Variants in THSD7B observed in about 807,000 individuals in gnomAD.
THSD7B encodes the protein thrombospondin type-1 domain-containing protein 7B.
In THSD7B, 138 loss-of-function variants were observed where a neutral mutation model predicts 213.6. The observed-to-expected ratio is 0.65, with a 90% CI of 0.56 to 0.74. The LOEUF is 0.74. Among genes scored for constraint, THSD7B ranks in the 30% least tolerant of loss-of-function variants. The probability of loss-of-function intolerance (pLI) is 0.00; values close to 1 mark genes in which losing one functional copy is unlikely to be tolerated. For missense variants in THSD7B, 1,931 were observed against 1,991.5 expected (o/e 0.97, Z 0.58); for synonymous variants, 742 against 687.0 (o/e 1.08, Z -1.25).
chr2:137,621,976 A>G (rs1405903062), intron 20 of THSD7B, among the ~76,000 whole-genome samples: 1 of 152,132 alleles, frequency 6.6e-6, no homozygotes, highest in East Asian at 1.9e-4. Flanking sequence ...CTGAGGAAGC[A>G]AGAGAGAAAT....
intron 15 of THSD7B, among the ~76,000 whole-genome samples, chr2:137,558,867 C>G (rs1037311519): frequency 6.6e-6 from 1 of 152,194 alleles, no homozygotes; most frequent in Non-Finnish European, 1.5e-5. Context: ...CCAGCAAAGT[C>G]TCAGGATACA....
chr2:137,520,233 T>C (rs1409528262), intron 15 of THSD7B, among the ~76,000 whole-genome samples: 2 of 152,230 alleles, frequency 1.3e-5, no homozygotes, highest in Non-Finnish European at 2.9e-5. Flanking sequence ...AAAAAAGCTC[T>C]TGGATTCATT....
chr2:136,970,730 C>T (rs982452087), intron 2 of THSD7B, among the ~76,000 whole-genome samples: 3 of 152,086 alleles, frequency 2.0e-5, no homozygotes, highest in African/African-American at 7.2e-5. Flanking sequence ...AACAATTTTA[C>T]TCCGAAGTGC....
At chr2:136,804,686 T>G (rs187106252) in intron 1 of THSD7B, among the ~76,000 whole-genome samples, 1 of 152,306 alleles carries the variant, frequency 6.6e-6, no homozygotes, top group East Asian at 1.9e-4. Flanking sequence ...TGGATCCTCC[T>G]TCCTACAGAT....
chr2:137,599,018 T>C (rs1682023398), intron 17 of THSD7B, among the ~76,000 whole-genome samples: 1 of 145,238 alleles, frequency 6.9e-6, no homozygotes, highest in Non-Finnish European at 1.5e-5. Context: ...TATCTCCCAA[T>C]GCTATCCCTC....
At chr2:136,994,428 G>C (rs952834516) in intron 2 of THSD7B, among the ~76,000 whole-genome samples, 1 of 152,148 alleles carries the variant, frequency 6.6e-6, no homozygotes, top group Non-Finnish European at 1.5e-5. Context: ...TTAGCTGGGC[G>C]TGGTGGCGGG....
intron 3 of THSD7B, among the ~76,000 whole-genome samples, chr2:137,082,385 T>C (rs1316842358): frequency 6.6e-6 from 1 of 152,064 alleles, no homozygotes; most frequent in Admixed American, 6.6e-5. Flanking sequence ...GCTTGTTGAT[T>C]TTCTTTTGTA....
At chr2:136,775,969 G>A (rs1681595177) in intron 1 of THSD7B, among the ~76,000 whole-genome samples, 1 of 152,110 alleles carries the variant, frequency 6.6e-6, no homozygotes, top group Non-Finnish European at 1.5e-5. Flanking sequence ...GGTTCCTCAA[G>A]GCAAATTCAG....
intron 2 of THSD7B, among the ~76,000 whole-genome samples, chr2:137,047,194 G>A (rs1558899047): frequency 2.0e-5 from 3 of 152,176 alleles, no homozygotes. Context: ...CGCCAAGGTT[G>A]CAGGTGGCGG....
At position 137,234,739 on chromosome 2, in the gene THSD7B, G is replaced by A. The variant is rs114421492; in HGVS notation, c.2150+1606G>A. On this transcript the variant is annotated intron_variant, in intron 9 of 27. Coordinates refer to ENST00000409968, the MANE Select transcript of THSD7B (RefSeq NM_001316349.2). The stretch of plus-strand genomic sequence containing the variant: ...TAAACCTATATGTAGAGGAGTGATC[G>A]GTTTGCCAAGGATTGGATATGAAGA... 1.1e-3 allele frequency among the ~76,000 whole-genome samples: 163 copies of A among 152,190 alleles called. 1 individual carries two copies. Among genetic ancestry groups the A allele is most frequent in the African/African-American group, 3.8e-3 (157 of 41,504 alleles).
At chr2:137,172,435 C>A (rs1680271387) in intron 7 of THSD7B, among the ~76,000 whole-genome samples, 1 of 152,140 alleles carries the variant, frequency 6.6e-6, no homozygotes, top group Non-Finnish European at 1.5e-5. Flanking sequence ...ACATAAACAC[C>A]TCTGAACTAT....
chr2:137,630,808 G>C (rs1682726858), intron 20 of THSD7B, among the ~76,000 whole-genome samples: 1 of 152,204 alleles, frequency 6.6e-6, no homozygotes, highest in Non-Finnish European at 1.5e-5. Context: ...GGAAGAGGTA[G>C]AGTTTATTTA....
At chr2:137,100,398 T>C (rs964779043) in intron 4 of THSD7B, among the ~76,000 whole-genome samples, 3 of 151,930 alleles carry the variant, frequency 2.0e-5, no homozygotes, top group African/African-American at 7.2e-5. Context: ...TCAAAACTAT[T>C]GGGTTGCTGC....
intron 5 of THSD7B, among the ~76,000 whole-genome samples, chr2:137,121,101 G>A (rs1468757061): frequency 1.3e-5 from 2 of 152,130 alleles, no homozygotes; most frequent in African/African-American, 2.4e-5. Context: ...TTATCTTAGT[G>A]TGATATAGGA....
intron 5 of THSD7B, among the ~76,000 whole-genome samples, chr2:137,141,677 G>A (rs1157721157): frequency 1.2e-5 from 1 of 82,580 alleles, no homozygotes; most frequent in East Asian, 3.6e-4. Context: ...CTGTGTGTGT[G>A]TATGTGCGTG....
At chr2:137,366,247 G>T (rs1037696949) in intron 12 of THSD7B, among the ~76,000 whole-genome samples, 5 of 152,144 alleles carry the variant, frequency 3.3e-5, no homozygotes, top group South Asian at 2.1e-4. Context: ...GTCATGGGGT[G>T]GGGGGATGAG....
intron 15 of THSD7B, among the ~76,000 whole-genome samples, chr2:137,546,468 A>ATATAT (rs1553459029): frequency 6.1e-5 from 3 of 49,364 alleles, no homozygotes; most frequent in South Asian, 5.4e-4. Flanking sequence ...TATATAATAT[A>ATATAT]TATATATATA....
intron 1 of THSD7B, among the ~76,000 whole-genome samples, chr2:136,802,204 A>G (rs886373054): frequency 2.0e-5 from 3 of 152,130 alleles, no homozygotes; most frequent in Middle Eastern, 3.2e-3. Context: ...GCCAATTACC[A>G]TCAGGAGAAA....
intron 15 of THSD7B, among the ~76,000 whole-genome samples, chr2:137,480,753 T>G (rs943622217): frequency 6.6e-6 from 1 of 152,194 alleles, no homozygotes; most frequent in Non-Finnish European, 1.5e-5. Flanking sequence ...GGATTAAAAT[T>G]TTACCCATGC....
Sources: gnomAD v4.1 joint callset for allele counts (sites outside exome capture counted in the v4.1 genomes callset) on GRCh38, gnomAD v4.1.1 for gene constraint, MANE v1.5 for transcripts, NCBI Gene and HGNC (gene_info 2026-07-23, HGNC 2026-07-21) for gene names.